The following NTM variants were observed in gnomAD, a reference collection of about 807,000 sequenced individuals.
NTM encodes the protein neurotrimin.
In NTM, 13 loss-of-function variants were observed where a neutral mutation model predicts 42.1. That is an observed-to-expected ratio of 0.31 (90% CI 0.20 to 0.49). The LOEUF (loss-of-function observed/expected upper bound fraction) is 0.49, where lower values mean the gene tolerates loss of function less well. Ranked by LOEUF, NTM falls within the 20% of genes least tolerant of loss-of-function variation. NTM has a pLI of 0.99. For synonymous variants in NTM, 187 were observed against 179.2 expected (o/e 1.04, Z -0.35); for missense variants, 373 against 452.8 (o/e 0.82, Z 1.60).
chr11:131,929,136 G>C (rs1243968286), intron 2 of NTM, among the ~76,000 whole-genome samples: 1 of 151,722 alleles, frequency 6.6e-6, no homozygotes, highest in Non-Finnish European at 1.5e-5. Flanking sequence ...CTGAAGAGGA[G>C]AGCGGCAGCC....
chr11:131,899,508 T>C (rs9787911), intron 1 of NTM, among the ~76,000 whole-genome samples: 48,366 of 152,096 alleles, frequency 0.32, 9,546 homozygotes, highest in East Asian at 0.53. Context: ...ACTGGGTAGA[T>C]GGGACCATGA....
chr11:131,899,841 A>G (rs190002644), intron 1 of NTM, among the ~76,000 whole-genome samples: 30 of 152,316 alleles, frequency 2.0e-4, no homozygotes, highest in African/African-American at 7.0e-4. Flanking sequence ...ATCCTTATAC[A>G]TCGTGAATAC....
intron 4 of NTM, among the ~76,000 whole-genome samples, chr11:132,273,782 C>T (rs1487112211): frequency 6.6e-6 from 1 of 152,078 alleles, no homozygotes; most frequent in Non-Finnish European, 1.5e-5. Flanking sequence ...TGGTGCATGC[C>T]TGTAATCCCA....
chr11:131,914,702 T>C lies in NTM; in HGVS notation c.167+3054T>C, dbSNP rs563798153. Among the ~76,000 whole-genome samples, 5 of 152,270 alleles carry C rather than the reference T, an allele frequency of 3.3e-5. No homozygotes were observed. In the South Asian group the frequency reaches 8.3e-4, roughly 25 times the overall value. On this transcript the variant is annotated intron_variant, in intron 2 of 8. Transcript: ENST00000683400. ...ACTGACAGCCTGAAAAGAATTACAATTTGCAGTCTCCCACTCTTTCTGCCC... is the reference window on the plus strand; with the variant it reads ...ACTGACAGCCTGAAAAGAATTACAACTTGCAGTCTCCCACTCTTTCTGCCC...
At chr11:131,481,412 C>G (rs1424869224) in intron 1 of NTM, among the ~76,000 whole-genome samples, 2 of 152,116 alleles carry the variant, frequency 1.3e-5, no homozygotes, top group Non-Finnish European at 2.9e-5. Context: ...TAGGACTGAC[C>G]CCAGTTTGGG....
intron 1 of NTM, among the ~76,000 whole-genome samples, chr11:131,709,725 T>C (rs1215526311): frequency 6.6e-6 from 1 of 152,162 alleles, no homozygotes; most frequent in African/African-American, 2.4e-5. Context: ...GAGTTATCAG[T>C]ATATAAACAG....
Position 131,934,666 on chromosome 11 carries a change from T to C in NTM, c.167+23018T>C, listed in dbSNP as rs116636240. Among the ~76,000 whole-genome samples the C allele has an allele frequency of 8.6e-3, 1,313 of 152,228 alleles. 21 individuals are homozygous for C. Among genetic ancestry groups the C allele is most frequent in the African/African-American group, 0.03 (1,247 of 41,526 alleles). ...GCTGCCTGGGTGGCTGGTGGGCTAG[T>C]GGATGTCTCTCTGAGAGGAAGTGAC... On this transcript the variant is annotated intron_variant, in intron 2 of 8. Coordinates refer to ENST00000683400, the MANE Select transcript of NTM (RefSeq NM_001352005.2).
At chr11:132,104,588 CA>C (rs2062048829) in intron 2 of NTM, among the ~76,000 whole-genome samples, 1 of 132,428 alleles carries the variant, frequency 7.6e-6, no homozygotes, top group Non-Finnish European at 1.6e-5. Flanking sequence ...CCCCCCCCAC[CA>C]AAAATAATAA....
intron 4 of NTM, among the ~76,000 whole-genome samples, chr11:132,262,316 G>A (rs1037376088): frequency 6.6e-6 from 1 of 152,214 alleles, no homozygotes; most frequent in Non-Finnish European, 1.5e-5. Context: ...CAGGATTTCT[G>A]TGTATTTTAC....
chr11:131,486,100 G>A (rs1954144309), intron 1 of NTM, among the ~76,000 whole-genome samples: 1 of 152,128 alleles, frequency 6.6e-6, no homozygotes, highest in Non-Finnish European at 1.5e-5. Context: ...TTAGTTCTCT[G>A]ACACAGAATA....
chr11:131,792,452 T>C (rs922890172), intron 1 of NTM, among the ~76,000 whole-genome samples: 2 of 152,150 alleles, frequency 1.3e-5, no homozygotes, highest in African/African-American at 4.8e-5. Flanking sequence ...CCAAGCCGGG[T>C]TGGATTTAAG....
At chr11:131,779,977 C>T (rs1377977515) in intron 1 of NTM, among the ~76,000 whole-genome samples, 1 of 152,114 alleles carries the variant, frequency 6.6e-6, no homozygotes, top group African/African-American at 2.4e-5. Context: ...GAATCTCAGT[C>T]CCACCCACTC....
At chr11:131,944,663 T>A (rs2060160770) in intron 2 of NTM, among the ~76,000 whole-genome samples, 1 of 152,228 alleles carries the variant, frequency 6.6e-6, no homozygotes. Flanking sequence ...AGGATGAGCA[T>A]GCTTAGAGTG....
At chr11:131,512,520 C>G (rs141538391) in intron 1 of NTM, among the ~76,000 whole-genome samples, 1 of 152,296 alleles carries the variant, frequency 6.6e-6, no homozygotes, top group East Asian at 1.9e-4. Context: ...TTCCCACCCA[C>G]CAGGGCAGAA....
At chr11:132,299,893 A>G (rs951518957) in intron 4 of NTM, among the ~76,000 whole-genome samples, 18 of 152,158 alleles carry the variant, frequency 1.2e-4, no homozygotes, top group African/African-American at 4.3e-4. Flanking sequence ...ACTATGTGTA[A>G]TATATATGTA....
Position 131,824,770 on chromosome 11 carries a change from A to T in NTM, c.83-86794A>T, listed in dbSNP as rs139308940. Among the ~76,000 whole-genome samples, 235 of 152,258 alleles carry T rather than the reference A, an allele frequency of 1.5e-3. 2 individuals carry two copies. Among genetic ancestry groups the T allele is most frequent in the African/African-American group, 5.4e-3 (226 of 41,562 alleles). ...CAGGGATGCCTTTCTTTATTTGGCT[A>T]TGGAACTGGGGAAAGAGTAGGAGTT... On this transcript the variant is annotated intron_variant, in intron 1 of 8. Transcript: ENST00000683400.
chr11:131,529,489 A>G (rs1591950274), intron 1 of NTM, among the ~76,000 whole-genome samples: 2 of 152,286 alleles, frequency 1.3e-5, no homozygotes, highest in Middle Eastern at 6.8e-3. Context: ...TAGGATGGGG[A>G]AATGCAGACA....
chr11:131,546,130 T>C (rs2053911357), intron 1 of NTM, among the ~76,000 whole-genome samples: 1 of 152,214 alleles, frequency 6.6e-6, no homozygotes, highest in African/African-American at 2.4e-5. Flanking sequence ...GGTCTTTTCC[T>C]TTTAGCAAGC....
intron 1 of NTM, among the ~76,000 whole-genome samples, chr11:131,480,030 C>G (rs1317169030): frequency 6.6e-6 from 1 of 151,830 alleles, no homozygotes; most frequent in Non-Finnish European, 1.5e-5. Context: ...TCTACTGATC[C>G]TAGCTTTATT....
Sources: allele counts gnomAD v4.1 joint callset (sites outside exome capture counted in the v4.1 genomes callset), GRCh38; gene constraint gnomAD v4.1.1; transcripts MANE v1.5; gene names NCBI Gene and HGNC (gene_info 2026-07-23, HGNC 2026-07-21).